DPP10: variants seen among roughly 807,000 people sequenced by gnomAD.
DPP10 encodes inactive dipeptidyl peptidase 10.
In DPP10, 33 loss-of-function variants were observed where a neutral mutation model predicts 120.9. That is an observed-to-expected ratio of 0.27 (90% CI 0.21 to 0.37). DPP10 has a LOEUF of 0.37. Among genes scored for constraint, DPP10 ranks in the 10% least tolerant of loss-of-function variants. The pLI is 1.00. For synonymous variants in DPP10, 337 were observed against 326.1 expected, an observed-to-expected ratio of 1.03 and a Z score of -0.36; for missense variants, 816 against 942.8, an observed-to-expected ratio of 0.87 and a Z score of 1.76.
intron 1 of DPP10, among the ~76,000 whole-genome samples, chr2:115,101,017 T>C (rs989233733): frequency 6.6e-6 from 1 of 152,132 alleles, no homozygotes; most frequent in Non-Finnish European, 1.5e-5. Flanking sequence ...TTTACCCACA[T>C]GCTGAGCCAA....
rs964903072 is a variant in DPP10, at chr2:115,202,941, T to A, written c.61-106298T>A. On this transcript the variant is annotated intron_variant, in intron 1 of 25. Transcript: ENST00000410059. ...TGGGCAAAATTCCTTTTACAAACGT[T>A]GAGAAACAAACAAACAAACAAAAAA... 4.6e-5 allele frequency among the ~76,000 whole-genome samples: 7 copies of A among 151,472 alleles called. No homozygotes were observed. The East Asian group carries it at 1.4e-3, about 29-fold the overall frequency.
chr2:115,286,469 T>G (rs1437294153), intron 1 of DPP10, among the ~76,000 whole-genome samples: 5 of 112,358 alleles, frequency 4.5e-5, no homozygotes, highest in Non-Finnish European at 9.0e-5. Context: ...TAAAGTGAAA[T>G]ATATATATGT....
intron 1 of DPP10, among the ~76,000 whole-genome samples, chr2:115,103,702 T>C (rs1204943350): frequency 6.6e-6 from 1 of 152,140 alleles, no homozygotes; most frequent in African/African-American, 2.4e-5. Context: ...TTCAAAATCG[T>C]TTTTCCATGA....
intron 3 of DPP10, among the ~76,000 whole-genome samples, chr2:115,404,987 G>A (rs1452851222): frequency 1.3e-5 from 2 of 152,204 alleles, no homozygotes; most frequent in East Asian, 3.9e-4. Flanking sequence ...TCAAATCACA[G>A]CATTCTATCC....
intron 1 of DPP10, among the ~76,000 whole-genome samples, chr2:114,567,170 T>C (rs562039151): frequency 6.6e-6 from 1 of 152,310 alleles, no homozygotes; most frequent in East Asian, 1.9e-4. Flanking sequence ...TTGTATTTCT[T>C]ATAAACACCC....
chr2:114,587,260 C>A (rs868477606), intron 1 of DPP10, among the ~76,000 whole-genome samples: 13 of 148,948 alleles, frequency 8.7e-5, no homozygotes, highest in Middle Eastern at 3.5e-3. Context: ...AAGATCGCGC[C>A]ATTGCACTCC....
At chr2:114,546,638 A>G (rs1419034436) in intron 1 of DPP10, among the ~76,000 whole-genome samples, 2 of 151,998 alleles carry the variant, frequency 1.3e-5, no homozygotes, top group Non-Finnish European at 2.9e-5. Flanking sequence ...AAGCCATACT[A>G]CTCAATTTTA....
chr2:115,005,069 C>T (rs528587711), intron 1 of DPP10, among the ~76,000 whole-genome samples: 70 of 152,166 alleles, frequency 4.6e-4, no homozygotes, highest in Admixed American at 1.6e-3. Flanking sequence ...CCCTGACCCC[C>T]GAGAAGCCTA....
chr2:115,355,480 C>T (rs767809407), intron 3 of DPP10, among the ~76,000 whole-genome samples: 15 of 152,058 alleles, frequency 9.9e-5, no homozygotes, highest in Non-Finnish European at 2.1e-4. Flanking sequence ...GGGTATATTG[C>T]AAAAATTGTC....
intron 3 of DPP10, among the ~76,000 whole-genome samples, chr2:115,444,282 T>G (rs2072361648): frequency 1.3e-5 from 2 of 152,234 alleles, no homozygotes. Context: ...TGTTTTATCC[T>G]TAAATAGTAA....
intron 3 of DPP10, among the ~76,000 whole-genome samples, chr2:115,479,049 C>G (rs1053904769): frequency 6.6e-6 from 1 of 152,134 alleles, no homozygotes; most frequent in Non-Finnish European, 1.5e-5. Flanking sequence ...AATTATTCTT[C>G]TGGATAAATA....
intron 1 of DPP10, among the ~76,000 whole-genome samples, chr2:114,753,598 C>G (rs1281719475): frequency 2.6e-5 from 4 of 151,972 alleles, no homozygotes; most frequent in African/African-American, 9.7e-5. Flanking sequence ...AACCTGCAAT[C>G]TCGAGAAAAA....
At chr2:115,467,755 C>CT (rs2074421773) in intron 3 of DPP10, among the ~76,000 whole-genome samples, 1 of 152,152 alleles carries the variant, frequency 6.6e-6, no homozygotes, top group African/African-American at 2.4e-5. Flanking sequence ...GAAGTGTTGA[C>CT]TTTTGACTAC....
intron 1 of DPP10, among the ~76,000 whole-genome samples, chr2:114,817,746 C>T (rs1342044521): frequency 6.6e-6 from 1 of 152,110 alleles, no homozygotes; most frequent in Admixed American, 6.6e-5. Context: ...ACATAACAGG[C>T]ACAGTAGTAA....
intron 1 of DPP10, among the ~76,000 whole-genome samples, chr2:114,694,448 CTA>C (rs1699949947): frequency 6.6e-6 from 1 of 151,830 alleles, no homozygotes; most frequent in Admixed American, 6.6e-5. Flanking sequence ...GAAATCAACA[CTA>C]TGAACTCAGA....
intron 1 of DPP10, among the ~76,000 whole-genome samples, chr2:114,967,010 C>T (rs531479226): frequency 1.3e-5 from 2 of 152,184 alleles, no homozygotes; most frequent in South Asian, 2.1e-4. Flanking sequence ...CCATTGTACA[C>T]CAGTCTGGGC....
intron 1 of DPP10, among the ~76,000 whole-genome samples, chr2:114,988,029 C>T (rs1700523674): frequency 6.6e-6 from 1 of 151,982 alleles, no homozygotes; most frequent in Non-Finnish European, 1.5e-5. Flanking sequence ...TGGTCTCGAT[C>T]TCCTGACCTC....
chr2:115,192,123 C>T (rs766323507), intron 1 of DPP10, among the ~76,000 whole-genome samples: 2 of 152,218 alleles, frequency 1.3e-5, no homozygotes, highest in Non-Finnish European at 2.9e-5. Flanking sequence ...CTTAATGGCA[C>T]GTGCAGTGAA....
intron 1 of DPP10, among the ~76,000 whole-genome samples, chr2:114,564,567 A>AATCAACCACTGAGGGAAAAGGTTTTTTC (rs1462456200): frequency 1.3e-5 from 2 of 152,196 alleles, no homozygotes; most frequent in African/African-American, 4.8e-5. Flanking sequence ...TAAGTTAATA[A>AATCAACCACTGAGGGAAAAGGTTTTTTC]ATCAACCACT....
Sources: allele counts gnomAD v4.1 joint callset (sites outside exome capture counted in the v4.1 genomes callset), GRCh38; gene constraint gnomAD v4.1.1; transcripts MANE v1.5; gene names NCBI Gene and HGNC (gene_info 2026-07-23, HGNC 2026-07-21).